Variants in MAP3K13 observed in about 807,000 individuals in gnomAD.
The protein encoded by MAP3K13 is mitogen-activated protein kinase kinase kinase 13, also known as leucine zipper-bearing kinase.
Under a neutral mutation model 104.0 loss-of-function variants are expected in MAP3K13, and 52 were observed. The ratio of observed to expected loss-of-function variants is 0.50; its 90% CI spans 0.40 to 0.63. MAP3K13 has a LOEUF of 0.63. MAP3K13 is among the 20% of genes least tolerant of loss of function. The pLI, the probability that MAP3K13 is intolerant of heterozygous loss-of-function variation, is 0.00. For synonymous variants in MAP3K13, 394 were observed against 442.2 expected (o/e 0.89, Z 1.37); for missense variants, 914 against 1,218.5 (o/e 0.75, Z 3.72).
intron 2 of MAP3K13, among the ~76,000 whole-genome samples, chr3:185,298,651 A>G (rs1227569164): frequency 6.6e-6 from 1 of 152,212 alleles, no homozygotes; most frequent in African/African-American, 2.4e-5. Context: ...AAAACCTGAG[A>G]AGAGACAGAA....
rs114288886 is a variant in MAP3K13, at chr3:185,412,569, T to C, written c.-85-15928T>C. Reference sequence around the variant, plus strand: ...AATCTTTGACAATTTCAAATTTCTATTGTTGGTAAAGCTCAAAATGTTCTA... The same window carrying C: ...AATCTTTGACAATTTCAAATTTCTACTGTTGGTAAAGCTCAAAATGTTCTA... On this transcript the variant is annotated intron_variant, in intron 1 of 13. Coordinates refer to ENST00000265026, the MANE Select transcript of MAP3K13 (RefSeq NM_004721.5). 2.2e-3 allele frequency among the ~76,000 whole-genome samples: 339 copies of C among 152,344 alleles called. 1 individual carries two copies. Among genetic ancestry groups the C allele is most frequent in the African/African-American group, 7.5e-3 (313 of 41,580 alleles).
At chr3:185,403,723 C>T (rs572030376) in intron 1 of MAP3K13, among the ~76,000 whole-genome samples, 9 of 152,016 alleles carry the variant, frequency 5.9e-5, no homozygotes, top group African/African-American at 1.9e-4. Flanking sequence ...GTTTTATTAC[C>T]GAAAATGGCC....
intron 7 of MAP3K13, among the ~76,000 whole-genome samples, chr3:185,455,834 T>G (rs1308448418): frequency 9.9e-5 from 1 of 10,098 alleles, no homozygotes. Flanking sequence ...ATATATGAGA[T>G]ATATATATGA....
At chr3:185,362,972 CACACACACACTCA>C, upstream of MAP3K13, 1 of 341,744 alleles carries the variant, frequency 2.9e-6, no homozygotes, top group Non-Finnish European at 4.2e-6. Flanking sequence ...CACACACACA[CACACACACACTCA>C]AGCTGCCAGT....
intron 10 of MAP3K13, among the ~76,000 whole-genome samples, chr3:185,470,541 G>A (rs1247078381): frequency 6.6e-6 from 1 of 152,118 alleles, no homozygotes; most frequent in Non-Finnish European, 1.5e-5. Flanking sequence ...CTCCTGCTGA[G>A]CTCTGTCTTT....
intron 2 of MAP3K13, among the ~76,000 whole-genome samples, chr3:185,302,897 A>T (rs1194066572): frequency 6.6e-6 from 1 of 152,218 alleles, no homozygotes; most frequent in East Asian, 1.9e-4. Flanking sequence ...GAAGGTGGGC[A>T]TCCTTCCCTT....
At chr3:185,383,310 C>A (rs1711506822) in intron 1 of MAP3K13, among the ~76,000 whole-genome samples, 1 of 151,870 alleles carries the variant, frequency 6.6e-6, no homozygotes, top group Admixed American at 6.6e-5. Flanking sequence ...GTGAGTAATG[C>A]CACAATAAAC....
intron 12 of MAP3K13, among the ~76,000 whole-genome samples, chr3:185,479,784 T>A (rs1718339034): frequency 6.6e-6 from 1 of 152,188 alleles, no homozygotes; most frequent in Non-Finnish European, 1.5e-5. Context: ...TGTCAGCAGA[T>A]TCAGTTTCTG....
chr3:185,318,443 G>T (rs762668038), intron 2 of MAP3K13, among the ~76,000 whole-genome samples: 3 of 152,236 alleles, frequency 2.0e-5, no homozygotes, highest in Non-Finnish European at 2.9e-5. Context: ...TAGATACACA[G>T]TGAAATGTTG....
At chr3:185,285,906 A>G (rs1257760318) in intron 2 of MAP3K13, among the ~76,000 whole-genome samples, 1 of 151,714 alleles carries the variant, frequency 6.6e-6, no homozygotes, top group Non-Finnish European at 1.5e-5. Context: ...TTTAGGGGGG[A>G]GCTTCCTTTC....
intron 1 of MAP3K13, among the ~76,000 whole-genome samples, chr3:185,389,687 G>A (rs1424580687): frequency 6.6e-6 from 1 of 150,818 alleles, no homozygotes; most frequent in Non-Finnish European, 1.5e-5. Flanking sequence ...AAACTTTTTG[G>A]TTTCAGGACC....
In MAP3K13 at chr3:185,315,402, A is replaced by G. The variant is rs1345815124; in HGVS notation, c.-86+29759A>G. ...TAACAAAAACAGATTGCTGGGTTCTACCCTAGAGTTTCTGATTCAGTAGGT... is the reference window on the plus strand; with the variant it reads ...TAACAAAAACAGATTGCTGGGTTCTGCCCTAGAGTTTCTGATTCAGTAGGT... On this transcript the variant is annotated intron_variant, in intron 2 of 14. Coordinates refer to the MAP3K13 transcript ENST00000424227. This position sits in a 1 kb window ranked among gnomAD's most constrained non-coding sequence, Gnocchi z 4.3. 2.6e-5 allele frequency among the ~76,000 whole-genome samples: 4 copies of G among 152,184 alleles called. No individual in the cohort carries two copies. The highest frequency in any genetic ancestry group is 5.9e-5 in the Non-Finnish European group (4 of 68,038).
chr3:185,334,394 T>C (rs1380643731), intron 2 of MAP3K13, among the ~76,000 whole-genome samples: 1 of 152,156 alleles, frequency 6.6e-6, no homozygotes, highest in African/African-American at 2.4e-5. Context: ...AAATGACTTA[T>C]AATACGTGAC....
intron 3 of MAP3K13, among the ~76,000 whole-genome samples, chr3:185,438,857 CT>C (rs1166904073): frequency 6.6e-6 from 1 of 152,142 alleles, no homozygotes; most frequent in South Asian, 2.1e-4. Flanking sequence ...AGTTTAGAAA[CT>C]GGAGCTTTGT....
intron 2 of MAP3K13, among the ~76,000 whole-genome samples, chr3:185,327,078 T>C (rs1241757202): frequency 6.6e-6 from 1 of 152,216 alleles, no homozygotes; most frequent in Non-Finnish European, 1.5e-5. Context: ...TGGGTCTCAC[T>C]AGGCTAAACC....
intron 1 of MAP3K13, among the ~76,000 whole-genome samples, chr3:185,373,676 T>G (rs1163208950): frequency 1.3e-5 from 2 of 152,174 alleles, no homozygotes; most frequent in African/African-American, 4.8e-5. Context: ...ATTTTTCTGA[T>G]ACTTTAATGA....
chr3:185,371,230 G>T (rs2108750020), intron 1 of MAP3K13, among the ~76,000 whole-genome samples: 1 of 152,192 alleles, frequency 6.6e-6, no homozygotes, highest in South Asian at 2.1e-4. Flanking sequence ...CATCAGTTTG[G>T]AATTTTTCTT....
intron 2 of MAP3K13, among the ~76,000 whole-genome samples, chr3:185,307,266 C>T (rs1013410824): frequency 2.0e-5 from 3 of 151,104 alleles, no homozygotes; most frequent in Non-Finnish European, 4.4e-5. Context: ...TTTCAAGTAA[C>T]CTCTCTGTCC....
rs1720406254 is a variant in MAP3K13, at chr3:185,283,917, T to TTC, written c.-205+890_-205+891insTC. Among the ~76,000 whole-genome samples, 3 of 148,184 alleles carry TTC rather than the reference T, an allele frequency of 2.0e-5. No homozygotes were observed. The South Asian group carries it at 6.3e-4, about 31-fold the overall frequency. On this transcript the variant is annotated intron_variant, in intron 1 of 14. Coordinates refer to the MAP3K13 transcript ENST00000424227. Reference sequence around the variant, plus strand: ...TTCTTTCTTTTTTTTTTTTTTTTTTTCTGAGACGGAGTCTCGCTCTGTCGC... The same window carrying TTC: ...TTCTTTCTTTTTTTTTTTTTTTTTTTTCCTGAGACGGAGTCTCGCTCTGTCGC...
Sources: allele counts gnomAD v4.1 joint callset (sites outside exome capture counted in the v4.1 genomes callset), GRCh38; gene constraint gnomAD v4.1.1; non-coding constraint Gnocchi (gnomAD v3.1); transcripts MANE v1.5; gene names NCBI Gene and HGNC (gene_info 2026-07-23, HGNC 2026-07-21).